PDE1C: variants seen among roughly 807,000 people sequenced by gnomAD.
The protein encoded by PDE1C is dual specificity calcium/calmodulin-dependent 3',5'-cyclic nucleotide phosphodiesterase 1C.
A neutral mutation model predicts 93.1 loss-of-function variants in PDE1C; 62 were observed. The observed-to-expected ratio is 0.67, with a 90% confidence interval of 0.54 to 0.82. PDE1C has a LOEUF of 0.82. Among genes scored for constraint, PDE1C ranks in the 40% least tolerant of loss-of-function variants. The pLI, the probability that PDE1C is intolerant of heterozygous loss-of-function variation, is 0.00. For missense variants in PDE1C, 742 were observed against 884.6 expected (o/e 0.84, Z 2.04); for synonymous variants, 325 against 310.1 (o/e 1.05, Z -0.50).
intron 1 of PDE1C, among the ~76,000 whole-genome samples, chr7:32,217,558 C>T (rs769497286): frequency 3.3e-5 from 5 of 152,146 alleles, no homozygotes; most frequent in African/African-American, 4.8e-5. Flanking sequence ...ATGGCTGAAT[C>T]GTGTGCTGTG....
intron 2 of PDE1C, among the ~76,000 whole-genome samples, chr7:31,985,712 G>C (rs1016968983): frequency 1.3e-5 from 2 of 152,028 alleles, no homozygotes; most frequent in Non-Finnish European, 2.9e-5. Context: ...GAGAATGATG[G>C]TTTCCAGCTT....
intron 1 of PDE1C, among the ~76,000 whole-genome samples, chr7:32,220,366 T>G (rs1806757690): frequency 6.6e-6 from 1 of 152,230 alleles, no homozygotes; most frequent in Admixed American, 6.5e-5. Context: ...AGTAGTAGTA[T>G]TCCCTTTTTC....
intron 16 of PDE1C, among the ~76,000 whole-genome samples, chr7:31,776,563 T>G (rs937383998): frequency 5.9e-5 from 9 of 152,076 alleles, no homozygotes; most frequent in Admixed American, 1.3e-4. Flanking sequence ...TGCCAAAAAA[T>G]TTTACATTTT....
intron 2 of PDE1C, among the ~76,000 whole-genome samples, chr7:31,966,917 C>T (rs938571093): frequency 3.2e-4 from 48 of 152,068 alleles, no homozygotes; most frequent in Admixed American, 7.8e-4. Context: ...CCAATGAGAA[C>T]AAAGACACAA....
At chr7:31,663,869 G>A in the PDE1C span, among the ~76,000 whole-genome samples, 5 of 152,148 alleles carry the variant, frequency 3.3e-5, no homozygotes, top group African/African-American at 4.8e-5. Context: ...ATTTCTGCAC[G>A]TATTTCATTC....
At chr7:32,166,313 C>A (rs1802269076) in intron 3 of PDE1C, among the ~76,000 whole-genome samples, 1 of 152,208 alleles carries the variant, frequency 6.6e-6, no homozygotes, top group East Asian at 1.9e-4. Context: ...AATTTTCGCA[C>A]CTGGATAGCT....
chr7:31,771,848 G>C (rs1206947416), intron 17 of PDE1C, among the ~76,000 whole-genome samples: 1 of 152,090 alleles, frequency 6.6e-6, no homozygotes, highest in East Asian at 1.9e-4. Context: ...AAGGTCAGGA[G>C]ATCGAGACCA....
chr7:31,988,029 GT>G (rs1783646168), intron 2 of PDE1C, among the ~76,000 whole-genome samples: 1 of 152,224 alleles, frequency 6.6e-6, no homozygotes, highest in African/African-American at 2.4e-5. Flanking sequence ...AGGGAAGGAA[GT>G]TAGGGTAGAT....
At chr7:32,204,799 G>T (rs1318171464) in intron 2 of PDE1C, among the ~76,000 whole-genome samples, 1 of 152,092 alleles carries the variant, frequency 6.6e-6, no homozygotes, top group African/African-American at 2.4e-5. Flanking sequence ...TCCACACCAG[G>T]CTGGCTGAAG....
chr7:31,629,862 G>A, the PDE1C span, among the ~76,000 whole-genome samples: 7 of 152,148 alleles, frequency 4.6e-5, no homozygotes, highest in Non-Finnish European at 8.8e-5. Context: ...TGTCAAAGAT[G>A]TACACCAGCG....
At chr7:31,971,964 G>A (rs557292518) in intron 2 of PDE1C, among the ~76,000 whole-genome samples, 1 of 152,264 alleles carries the variant, frequency 6.6e-6, no homozygotes, top group South Asian at 2.1e-4. Context: ...TTTGGTAATT[G>A]TGTTACCTGC....
intron 1 of PDE1C, among the ~76,000 whole-genome samples, chr7:32,067,928 A>G (rs1795592524): frequency 6.6e-6 from 1 of 152,212 alleles, no homozygotes; most frequent in Non-Finnish European, 1.5e-5. Flanking sequence ...ATGTGTCCTC[A>G]TGGAACTTAC....
intron 2 of PDE1C, among the ~76,000 whole-genome samples, chr7:32,187,176 C>T (rs6971750): frequency 0.31 from 46,326 of 151,578 alleles, 8,883 homozygotes; most frequent in African/African-American, 0.53. Context: ...CTTTTATTTT[C>T]AGAGACAAGG....
chr7:31,638,573 A>G, the PDE1C span, among the ~76,000 whole-genome samples: 23,870 of 152,226 alleles, frequency 0.16, 2,351 homozygotes, highest in Non-Finnish European at 0.2. Flanking sequence ...AATAAATAAA[A>G]TATTCAGTGC....
intron 1 of PDE1C, among the ~76,000 whole-genome samples, chr7:32,292,094 C>T (rs755077322): frequency 6.6e-6 from 1 of 152,152 alleles, no homozygotes; most frequent in Non-Finnish European, 1.5e-5. Flanking sequence ...TTGACTGTGC[C>T]AGGCCCTGTG....
chr7:32,350,144 G>A (rs1422861810), intron 1 of PDE1C, among the ~76,000 whole-genome samples: 1 of 150,696 alleles, frequency 6.6e-6, no homozygotes, highest in Non-Finnish European at 1.5e-5. Context: ...TTCCTTTTGA[G>A]ACTTTTGAAC....
chr7:31,989,747 G>C (rs912134610), intron 2 of PDE1C, among the ~76,000 whole-genome samples: 1 of 152,090 alleles, frequency 6.6e-6, no homozygotes, highest in South Asian at 2.1e-4. Context: ...CGATAACTGC[G>C]GTGACTAGCT....
At chr7:32,286,810 G>A (rs1477381403) in intron 1 of PDE1C, among the ~76,000 whole-genome samples, 1 of 152,198 alleles carries the variant, frequency 6.6e-6, no homozygotes, top group South Asian at 2.1e-4. Flanking sequence ...GGTCATCTCT[G>A]GATAATGAGG....
rs567257138 is a variant in PDE1C at position 32,307,975 on chromosome 7, C to T, written c.311-98436G>A. On this transcript the variant is annotated intron_variant, in intron 1 of 1. Transcript: ENST00000672256. ...GCAAGGGGTCGGGGAGTTCCCTTTC[C>T]TAGTCAAAGAATGGGGTGACAGATG... 1.6e-3 allele frequency among the ~76,000 whole-genome samples: 250 copies of T among 152,328 alleles called. 2 individuals are homozygous for T. The highest frequency in any genetic ancestry group is 5.6e-3 in the African/African-American group (234 of 41,574).
Sources: allele counts gnomAD v4.1 joint callset (sites outside exome capture counted in the v4.1 genomes callset), GRCh38; gene constraint gnomAD v4.1.1; transcripts MANE v1.5; gene names NCBI Gene and HGNC (gene_info 2026-07-23, HGNC 2026-07-21).